Variants in PRELID2 observed in about 807,000 individuals in gnomAD.
PRELID2 encodes the protein PRELI domain containing 2.
Under a neutral mutation model 28.4 loss-of-function variants are expected in PRELID2, and 25 were observed. The observed-to-expected ratio is 0.88, with a 90% CI of 0.64 to 1.23. The LOEUF is 1.23. Among genes scored for constraint, PRELID2 ranks in the 50% most tolerant of loss-of-function variants. The pLI is 0.00. For synonymous variants in PRELID2, 76 were observed against 71.6 expected (o/e 1.06, Z -0.31); for missense variants, 201 against 214.4 (o/e 0.94, Z 0.39).
intron 1 of PRELID2, among the ~76,000 whole-genome samples, chr5:145,696,898 T>C (rs74960739): frequency 0.046 from 7,030 of 151,344 alleles, 578 homozygotes; most frequent in African/African-American, 0.16. Flanking sequence ...TACTAAAAAA[T>C]AGTATATATT....
At chr5:145,816,076 C>CTTTTTTTTT (rs1191298938) in intron 4 of PRELID2, among the ~76,000 whole-genome samples, 1 of 89,042 alleles carries the variant, frequency 1.1e-5, no homozygotes, top group Non-Finnish European at 2.2e-5. Flanking sequence ...TATTGTGTGT[C>CTTTTTTTTT]TTTTTTTTTT....
chr5:145,266,412 C>T, the PRELID2 span, among the ~76,000 whole-genome samples: 8 of 147,414 alleles, frequency 5.4e-5, no homozygotes, highest in East Asian at 1.6e-3. Flanking sequence ...AGAAGATATA[C>T]AAATGACCAA....
chr5:145,229,474 C>T, the PRELID2 span: 56 of 972,264 alleles, frequency 5.8e-5, no homozygotes, highest in Non-Finnish European at 8.5e-5. Context: ...CCCCCAACAC[C>T]CCTGACATTC....
At chr5:145,818,338 G>C (rs112632412) in intron 3 of PRELID2, among the ~76,000 whole-genome samples, 1 of 152,102 alleles carries the variant, frequency 6.6e-6, no homozygotes, top group African/African-American at 2.4e-5. Context: ...CCTCCTTCGC[G>C]TCTCCTCTAA....
chr5:145,574,851 T>A (rs1297146577), intron 1 of PRELID2, among the ~76,000 whole-genome samples: 1 of 152,216 alleles, frequency 6.6e-6, no homozygotes, highest in Non-Finnish European at 1.5e-5. Flanking sequence ...AAATGCTATG[T>A]AAGTAGCTGT....
rs190369981 is a variant in PRELID2 at position 145,801,769 on chromosome 5, G to A, written c.369-5222C>T. On this transcript the variant is annotated intron_variant, in intron 4 of 6. Transcript: ENST00000683046. ...TGACACAACTGTTCTTCTAGTGCACGAGATTAGAAATCTTAGCAACATGTT... is the reference window on the plus strand; with the variant it reads ...TGACACAACTGTTCTTCTAGTGCACAAGATTAGAAATCTTAGCAACATGTT... Among the ~76,000 whole-genome samples, 450 of 152,256 alleles carry A rather than the reference G, an allele frequency of 3.0e-3. 3 individuals carry two copies. The highest frequency in any genetic ancestry group is 1.0e-2 in the African/African-American group (415 of 41,540).
rs1246315266 is a variant in PRELID2 at position 145,817,190 on chromosome 5, C to CAAAAAA, written c.368+698_368+703dup. Among the ~76,000 whole-genome samples, 266 of 42,352 alleles carry CAAAAAA rather than the reference C, an allele frequency of 6.3e-3. 4 individuals carry two copies. Among genetic ancestry groups the CAAAAAA allele is most frequent in the African/African-American group, 0.016 (241 of 14,892 alleles). The allele number at this position is 42,352 out of a possible 152,430, so 27.8% of individuals were successfully genotyped here. On this transcript the variant is annotated intron_variant, in intron 4 of 6. Transcript: ENST00000683046. ...TAGGTGACAGAGCAAGACTGCATTT[C>CAAAAAA]AAAAAAAAATAAATAAATAAATAAA... is the stretch of plus-strand genomic sequence containing the variant.
chr5:145,790,188 C>G (rs1752273751), intron 5 of PRELID2, among the ~76,000 whole-genome samples: 1 of 152,152 alleles, frequency 6.6e-6, no homozygotes, highest in African/African-American at 2.4e-5. Context: ...AAAGAGACAG[C>G]TGAACTCTCA....
At chr5:145,417,044 T>C in the PRELID2 span, among the ~76,000 whole-genome samples, 3 of 151,524 alleles carry the variant, frequency 2.0e-5, no homozygotes, top group East Asian at 3.9e-4. Context: ...AAGAGATAAA[T>C]AGAGACAATC....
intron 1 of PRELID2, among the ~76,000 whole-genome samples, chr5:145,726,273 G>C (rs781195970): frequency 2.0e-4 from 30 of 150,342 alleles, no homozygotes; most frequent in African/African-American, 7.2e-4. Flanking sequence ...GGGGGAAAGA[G>C]AGAAAGAGAC....
chr5:145,536,873 G>A (rs1752703403), intron 1 of PRELID2, among the ~76,000 whole-genome samples: 1 of 151,674 alleles, frequency 6.6e-6, no homozygotes. Flanking sequence ...GTGCATGGAG[G>A]GGTCCTGAGC....
the PRELID2 span, among the ~76,000 whole-genome samples, chr5:145,341,684 T>C: frequency 6.8e-6 from 1 of 146,630 alleles, no homozygotes; most frequent in Non-Finnish European, 1.5e-5. Flanking sequence ...AAGACAGATT[T>C]AAAAAACAAA....
At chr5:145,744,523 G>A (rs533350890) in intron 1 of PRELID2, among the ~76,000 whole-genome samples, 1 of 152,178 alleles carries the variant, frequency 6.6e-6, no homozygotes, top group Non-Finnish European at 1.5e-5. Flanking sequence ...ACATTTTCCA[G>A]CCTTCTTGAG....
intron 1 of PRELID2, among the ~76,000 whole-genome samples, chr5:145,543,178 T>C (rs1227979579): frequency 1.3e-5 from 2 of 152,132 alleles, no homozygotes; most frequent in African/African-American, 4.8e-5. Flanking sequence ...TGAGTTATCA[T>C]TTGAATAATA....
intron 1 of PRELID2, among the ~76,000 whole-genome samples, chr5:145,718,281 C>T (rs1339809326): frequency 6.6e-6 from 1 of 151,670 alleles, no homozygotes; most frequent in African/African-American, 2.4e-5. Flanking sequence ...TCAACACCAG[C>T]AATAACTAAT....
chr5:145,822,432 C>T (rs1181579346), intron 2 of PRELID2, among the ~76,000 whole-genome samples: 4 of 152,152 alleles, frequency 2.6e-5, no homozygotes, highest in Admixed American at 6.5e-5. Flanking sequence ...TCGTAGATGA[C>T]ATGTAAACAA....
chr5:145,796,631 C>A, intron 4 of PRELID2, 84 bp from the exon 5 acceptor site: 1 of 707,664 alleles, frequency 1.4e-6, no homozygotes, highest in Non-Finnish European at 2.3e-6. Flanking sequence ...TGCATAATTA[C>A]CACTTATAAT....
At chr5:145,256,077 A>C in the PRELID2 span, among the ~76,000 whole-genome samples, 2 of 151,906 alleles carry the variant, frequency 1.3e-5, no homozygotes, top group Non-Finnish European at 2.9e-5. Context: ...TCAAGGCAAA[A>C]CAGGTCTCAC....
intron 1 of PRELID2, among the ~76,000 whole-genome samples, chr5:145,589,254 T>C (rs1204434000): frequency 6.6e-6 from 1 of 152,192 alleles, no homozygotes; most frequent in Non-Finnish European, 1.5e-5. Context: ...CTCTGGTAAA[T>C]GTCCTTGCAT....
Sources: gnomAD v4.1 joint callset for allele counts (sites outside exome capture counted in the v4.1 genomes callset) on GRCh38, gnomAD v4.1.1 for gene constraint, MANE v1.5 for transcripts, NCBI Gene and HGNC (gene_info 2026-07-23, HGNC 2026-07-21) for gene names.